Variants in GALNT10 observed in about 807,000 individuals in gnomAD.
GALNT10 encodes the protein polypeptide N-acetylgalactosaminyltransferase 10, also known as GalNAc transferase 10.
Under a neutral mutation model 75.0 loss-of-function variants are expected in GALNT10, and 41 were observed. The observed-to-expected ratio is 0.55, with a 90% CI of 0.43 to 0.71. The LOEUF is 0.71. GALNT10 is among the 30% of genes least tolerant of loss of function. The pLI, the probability that GALNT10 is intolerant of heterozygous loss-of-function variation, is 0.00. For missense variants in GALNT10, 727 were observed against 818.5 expected, an observed-to-expected ratio of 0.89 and a Z score of 1.36; for synonymous variants, 302 against 313.0, an observed-to-expected ratio of 0.96 and a Z score of 0.37.
intron 7 of GALNT10, among the ~76,000 whole-genome samples, chr5:154,401,410 G>A (rs932374646): frequency 6.6e-6 from 1 of 152,216 alleles, no homozygotes; most frequent in African/African-American, 2.4e-5. Context: ...GCCCAGCAGC[G>A]ACCTGGGCAA....
chr5:154,197,818 G>A (rs1484433350), intron 1 of GALNT10, among the ~76,000 whole-genome samples: 1 of 152,206 alleles, frequency 6.6e-6, no homozygotes, highest in African/African-American at 2.4e-5. Flanking sequence ...AGGTAGGAAA[G>A]AAGGAGGGAA....
chr5:154,409,368 A>G lies in GALNT10; in HGVS notation c.1165-173A>G. ...CTATAAGCTGTGAAGCCCTTAAAAC[A>G]TGCATAATGATAAATAGAAACACAG... On this transcript the variant is annotated intron_variant, in intron 8 of 11. Transcript: ENST00000297107. This position sits in a 1 kb window ranked among gnomAD's most constrained non-coding sequence, Gnocchi z 4.5. 3.0e-6 allele frequency: 2 copies of G among 675,880 alleles called. No individual in the cohort carries two copies. The highest frequency in any genetic ancestry group is 3.4e-5 in the South Asian group (2 of 58,580). 41.9% of individuals were successfully genotyped at this position (675,880 alleles called of 1,614,324 possible).
chr5:154,272,802 C>A (rs2113040430), intron 1 of GALNT10, among the ~76,000 whole-genome samples: 1 of 152,328 alleles, frequency 6.6e-6, no homozygotes, highest in South Asian at 2.1e-4. Flanking sequence ...CATTTCAGGT[C>A]TTCTCTATGG....
chr5:154,255,648 G>T (rs1232639874), intron 1 of GALNT10, among the ~76,000 whole-genome samples: 1 of 152,056 alleles, frequency 6.6e-6, no homozygotes, highest in Non-Finnish European at 1.5e-5. Flanking sequence ...ATAAAGCAGG[G>T]TTTCCTCCCT....
At chr5:154,212,753 G>C (rs1465948898) in intron 1 of GALNT10, among the ~76,000 whole-genome samples, 1 of 151,938 alleles carries the variant, frequency 6.6e-6, no homozygotes, top group Non-Finnish European at 1.5e-5. Flanking sequence ...CAGATCACAA[G>C]GTCAGGAGAT....
chr5:154,205,462 G>A (rs549381727), intron 1 of GALNT10, among the ~76,000 whole-genome samples: 3 of 152,294 alleles, frequency 2.0e-5, no homozygotes, highest in East Asian at 3.9e-4. Flanking sequence ...TAGAGGGAGC[G>A]TCTTAAGGAA....
At chr5:154,362,956 T>C (rs886805565) in intron 4 of GALNT10, among the ~76,000 whole-genome samples, 1 of 152,194 alleles carries the variant, frequency 6.6e-6, no homozygotes, top group Non-Finnish European at 1.5e-5. Flanking sequence ...AGCCCAGTGT[T>C]CTAACCTACC....
chr5:154,193,535 G>C (rs1204756961), intron 1 of GALNT10, among the ~76,000 whole-genome samples: 1 of 152,208 alleles, frequency 6.6e-6, no homozygotes, highest in Non-Finnish European at 1.5e-5. Context: ...TTTTTCAACA[G>C]GGCTGACCAG....
At chr5:154,275,139 T>C (rs1327092273) in intron 1 of GALNT10, among the ~76,000 whole-genome samples, 1 of 152,236 alleles carries the variant, frequency 6.6e-6, no homozygotes, top group Non-Finnish European at 1.5e-5. Flanking sequence ...TCAGCTTTCT[T>C]TGGGTCTTCT....
At chr5:154,353,111 G>A (rs1400209832) in intron 4 of GALNT10, among the ~76,000 whole-genome samples, 2 of 152,092 alleles carry the variant, frequency 1.3e-5, no homozygotes, top group African/African-American at 2.4e-5. Flanking sequence ...TCCTCCACAC[G>A]GATTGCTGTG....
At chr5:154,414,851 C>T (rs1420808640) in intron 10 of GALNT10, among the ~76,000 whole-genome samples, 1 of 152,166 alleles carries the variant, frequency 6.6e-6, no homozygotes, top group Non-Finnish European at 1.5e-5. Flanking sequence ...TGAGCAGGCA[C>T]GGTGGCTCAC....
intron 4 of GALNT10, among the ~76,000 whole-genome samples, chr5:154,350,400 T>C (rs950563347): frequency 1.3e-5 from 2 of 152,174 alleles, no homozygotes; most frequent in Admixed American, 1.3e-4. Context: ...GGAGTATAAA[T>C]TGACAGGCCA....
intron 1 of GALNT10, among the ~76,000 whole-genome samples, chr5:154,286,754 G>C (rs953878564): frequency 5.9e-5 from 9 of 152,138 alleles, no homozygotes; most frequent in African/African-American, 2.2e-4. Flanking sequence ...TCCTGGTGTT[G>C]AGACAATGGA....
intron 4 of GALNT10, among the ~76,000 whole-genome samples, chr5:154,334,325 A>G (rs936869580): frequency 4.6e-5 from 7 of 152,378 alleles, no homozygotes; most frequent in African/African-American, 1.4e-4. Flanking sequence ...CCTGCTTACA[A>G]ATAGAACACT....
chr5:154,341,709 G>A (rs1020187791), intron 4 of GALNT10, among the ~76,000 whole-genome samples: 3 of 152,140 alleles, frequency 2.0e-5, no homozygotes, highest in Non-Finnish European at 4.4e-5. Flanking sequence ...GTTGCCATAC[G>A]ACAGAACTTG....
intron 2 of GALNT10, among the ~76,000 whole-genome samples, chr5:154,296,377 T>G (rs1754272385): frequency 6.6e-6 from 1 of 152,170 alleles, no homozygotes; most frequent in Non-Finnish European, 1.5e-5. Context: ...ATTACAGGTA[T>G]GAGCCACCAT....
At chr5:154,338,350 A>G in intron 4 of GALNT10, 1 of 483,318 alleles carries the variant, frequency 2.1e-6, no homozygotes, top group South Asian at 1.9e-5. Context: ...TTTGAGGCTG[A>G]GATTTGAGAC....
At chr5:154,290,321 A>G (rs1754179001) in intron 1 of GALNT10, among the ~76,000 whole-genome samples, 1 of 130,946 alleles carries the variant, frequency 7.6e-6, no homozygotes, top group Non-Finnish European at 1.5e-5. Context: ...CATGTTGGCC[A>G]GGCTGGTCTC....
intron 1 of GALNT10, among the ~76,000 whole-genome samples, chr5:154,254,228 T>G (rs1753572858): frequency 6.6e-6 from 1 of 152,162 alleles, no homozygotes; most frequent in Non-Finnish European, 1.5e-5. Flanking sequence ...CAAATTTGGT[T>G]GTATATGTTG....
Sources: allele counts gnomAD v4.1 joint callset (sites outside exome capture counted in the v4.1 genomes callset), GRCh38; gene constraint gnomAD v4.1.1; non-coding constraint Gnocchi (gnomAD v3.1); transcripts MANE v1.5; gene names NCBI Gene and HGNC (gene_info 2026-07-23, HGNC 2026-07-21).